MSH3: variants seen among roughly 807,000 people sequenced by gnomAD.
MSH3 encodes DNA mismatch repair protein Msh3.
MSH3 carries 106 observed loss-of-function variants against 123.3 expected under a neutral mutation model. The ratio of observed to expected loss-of-function variants is 0.86; its 90% CI spans 0.73 to 1.01. MSH3 has a LOEUF of 1.01. Ranked by LOEUF, MSH3 falls within the 50% of genes least tolerant of loss-of-function variation. The pLI is 0.00. For missense variants in MSH3, 1,459 were observed against 1,347.6 expected, an observed-to-expected ratio of 1.08 and a Z score of -1.29; for synonymous variants, 515 against 481.4, an observed-to-expected ratio of 1.07 and a Z score of -0.91.
chr5:80,758,106 C>G (rs1173684199), intron 12 of MSH3, among the ~76,000 whole-genome samples: 1 of 152,148 alleles, frequency 6.6e-6, no homozygotes, highest in African/African-American at 2.4e-5. Flanking sequence ...GCGAGTACTT[C>G]AGATCATTAC....
At position 80,654,910 on chromosome 5, in the gene MSH3, A is replaced by G; in HGVS notation, c.183A>G (p.Ala61=). ...CGGCTGCAGCGGCCGCAGCGGCCGC[A>G]GCGCCCCCAGCGCCCCCAGCTCCCG... The part of the protein sequence containing the change: ...AAAAAAAAAA[A]APPAPPAPAF... The change falls in exon 1 of 24, where the codon GCA becomes GCG. Residue 61 remains alanine (A), a synonymous_variant. Coordinates refer to ENST00000265081, the MANE Select transcript of MSH3 (RefSeq NM_002439.5). The G allele has an allele frequency of 6.7e-7, 1 of 1,492,044 alleles. No individual in the cohort carries two copies. The highest frequency in any genetic ancestry group is 8.9e-7 in the Non-Finnish European group (1 of 1,128,424). 92.4% of individuals were successfully genotyped at this position (1,492,044 alleles called of 1,614,324 possible). A position where few individuals can be genotyped will look rare whatever the true frequency, so the allele number is the denominator to read the frequency against.
chr5:80,858,326 G>T (rs1186799613), intron 21 of MSH3, among the ~76,000 whole-genome samples: 1 of 152,178 alleles, frequency 6.6e-6, no homozygotes, highest in Non-Finnish European at 1.5e-5. Context: ...TGGGATTACA[G>T]GTGTGAGCCA....
intron 20 of MSH3, among the ~76,000 whole-genome samples, chr5:80,827,221 T>C (rs1026871930): frequency 6.6e-6 from 1 of 152,232 alleles, no homozygotes; most frequent in Admixed American, 6.5e-5. Context: ...TTATTTCTAT[T>C]AAACGTTGGT....
intron 2 of MSH3, among the ~76,000 whole-genome samples, chr5:80,661,457 C>T (rs560626149): frequency 5.2e-4 from 79 of 152,034 alleles, no homozygotes; most frequent in African/African-American, 1.6e-3. Context: ...ATAAAATGTT[C>T]GTTTTCCATA....
intron 10 of MSH3, among the ~76,000 whole-genome samples, chr5:80,735,381 CAAA>C (rs58588808): frequency 1.0e-4 from 6 of 59,596 alleles, no homozygotes; most frequent in Non-Finnish European, 9.3e-5. Context: ...GACTTCATCT[CAAA>C]AAAAAAAAAA....
intron 14 of MSH3, among the ~76,000 whole-genome samples, chr5:80,768,540 T>C (rs746293205): frequency 6.6e-6 from 1 of 152,128 alleles, no homozygotes; most frequent in Non-Finnish European, 1.5e-5. Flanking sequence ...TCTATGTAAA[T>C]GAAATAGGAT....
chr5:80,856,666 C>T (rs1353069350), intron 21 of MSH3, among the ~76,000 whole-genome samples: 1 of 151,962 alleles, frequency 6.6e-6, no homozygotes, highest in Non-Finnish European at 1.5e-5. Flanking sequence ...CTGACCTGCA[C>T]ATTGTGCACA....
chr5:80,861,328 G>A (rs948416195), intron 21 of MSH3, among the ~76,000 whole-genome samples: 2 of 152,158 alleles, frequency 1.3e-5, no homozygotes, highest in Non-Finnish European at 2.9e-5. Flanking sequence ...CTATGATTAA[G>A]TCTCAGTCTT....
At chr5:80,784,591 A>G (rs763999075) in intron 17 of MSH3, among the ~76,000 whole-genome samples, 5 of 152,172 alleles carry the variant, frequency 3.3e-5, no homozygotes, top group Admixed American at 6.5e-5. Context: ...ACTCCAAAAT[A>G]CACAATTAAG....
intron 10 of MSH3, among the ~76,000 whole-genome samples, chr5:80,740,648 C>T (rs1453375096): frequency 6.6e-6 from 1 of 151,984 alleles, no homozygotes; most frequent in Non-Finnish European, 1.5e-5. Flanking sequence ...GCGTGAGCCA[C>T]TGTGCCTGGC....
At chr5:80,772,627 A>T (rs1744231623) in intron 15 of MSH3, among the ~76,000 whole-genome samples, 2 of 152,224 alleles carry the variant, frequency 1.3e-5, no homozygotes, top group South Asian at 4.1e-4. Context: ...AGTTGCTATG[A>T]GAGCTTTCTA....
At chr5:80,678,503 A>G (rs1749891146) in intron 7 of MSH3, among the ~76,000 whole-genome samples, 1 of 152,172 alleles carries the variant, frequency 6.6e-6, no homozygotes, top group Non-Finnish European at 1.5e-5. Flanking sequence ...TGTTACTTTG[A>G]GTGATAACTA....
At chr5:80,720,043 C>T (rs1336018561) in intron 8 of MSH3, among the ~76,000 whole-genome samples, 1 of 152,198 alleles carries the variant, frequency 6.6e-6, no homozygotes, top group African/African-American at 2.4e-5. Context: ...GTATAGCTCT[C>T]TGTGGCCTTT....
intron 18 of MSH3, among the ~76,000 whole-genome samples, chr5:80,789,315 G>C (rs1561479160): frequency 6.6e-6 from 1 of 150,456 alleles, no homozygotes; most frequent in African/African-American, 2.5e-5. Context: ...AATTTTAAGT[G>C]TCTCTCTCCA....
chr5:80,693,019 T>TTAGA (rs1466747854), intron 8 of MSH3, among the ~76,000 whole-genome samples: 4 of 134,586 alleles, frequency 3.0e-5, no homozygotes, highest in African/African-American at 8.3e-5. Context: ...ATGTATATGT[T>TTAGA]TAGATAAATA....
chr5:80,795,132 A>T (rs1244765670), intron 19 of MSH3, among the ~76,000 whole-genome samples: 2 of 152,204 alleles, frequency 1.3e-5, no homozygotes, highest in Non-Finnish European at 2.9e-5. Flanking sequence ...ACTGTAACAG[A>T]GTATTCTACC....
chr5:80,854,439 A>G, intron 21 of MSH3, 123 bp downstream of exon 21: 2 of 824,314 alleles, frequency 2.4e-6, no homozygotes. Flanking sequence ...TATAAACAAT[A>G]TGGAGTGATT....
At chr5:80,825,736 A>G (rs924050752) in intron 20 of MSH3, among the ~76,000 whole-genome samples, 5 of 152,212 alleles carry the variant, frequency 3.3e-5, no homozygotes, top group African/African-American at 4.8e-5. Flanking sequence ...AGAAATGTTC[A>G]TTTGATGATA....
At chr5:80,798,384 T>A (rs1744735606) in intron 19 of MSH3, among the ~76,000 whole-genome samples, 3 of 152,094 alleles carry the variant, frequency 2.0e-5, no homozygotes, top group Admixed American at 2.0e-4. Context: ...CCCAATTCCT[T>A]CCCTTATCTC....
Sources: gnomAD v4.1 joint callset for allele counts (sites outside exome capture counted in the v4.1 genomes callset) on GRCh38, gnomAD v4.1.1 for gene constraint, MANE v1.5 for transcripts, NCBI Gene and HGNC (gene_info 2026-07-23, HGNC 2026-07-21) for gene names.